STAC: variants seen among roughly 807,000 people sequenced by gnomAD.
STAC encodes the protein SH3 and cysteine-rich domain-containing protein.
A neutral mutation model predicts 48.8 loss-of-function variants in STAC; 43 were observed. The ratio of observed to expected loss-of-function variants is 0.88; its 90% CI spans 0.69 to 1.14. STAC has a LOEUF of 1.14. STAC is among the 50% of genes most tolerant of loss of function. The pLI is 0.00. For synonymous variants in STAC, 193 were observed against 179.5 expected (o/e 1.07, Z -0.60); for missense variants, 497 against 504.0 (o/e 0.99, Z 0.13).
At chr3:36,486,397 G>C (rs1221625293) in intron 5 of STAC, 148 bp downstream of exon 5, 2 of 602,662 alleles carry the variant, frequency 3.3e-6, no homozygotes, top group Non-Finnish European at 5.7e-6. Flanking sequence ...AACCCAAAGT[G>C]CTTTGAGCCA....
chr3:36,417,028 C>A (rs576393477), intron 1 of STAC, among the ~76,000 whole-genome samples: 2 of 152,218 alleles, frequency 1.3e-5, no homozygotes, highest in Admixed American at 1.3e-4. Flanking sequence ...AACTTTGGGG[C>A]AGGTCTTTGG....
intron 1 of STAC, among the ~76,000 whole-genome samples, chr3:36,408,981 T>C (rs1471349690): frequency 2.0e-5 from 3 of 152,212 alleles, no homozygotes; most frequent in African/African-American, 7.2e-5. Flanking sequence ...AATATTGTGG[T>C]ACCCTTACTT....
intron 2 of STAC, among the ~76,000 whole-genome samples, chr3:36,477,437 C>T (rs1347211291): frequency 6.6e-6 from 1 of 151,916 alleles, no homozygotes; most frequent in Non-Finnish European, 1.5e-5. Context: ...CAAAATGAGT[C>T]CAGCCAATTA....
Position 36,480,701 on chromosome 3 carries a change from A to G in STAC, c.389-2291A>G, listed in dbSNP as rs148342872. Among the ~76,000 whole-genome samples, 758 of 152,374 alleles carry G rather than the reference A, an allele frequency of 5.0e-3. 2 individuals carry two copies. Among genetic ancestry groups the G allele is most frequent in the Middle Eastern group, 0.01 (3 of 294 alleles). On this transcript the variant is annotated intron_variant, in intron 2 of 10. Coordinates refer to ENST00000273183, the MANE Select transcript of STAC (RefSeq NM_003149.3). ...AGGTATCTCATCTTTGAAATGAAAT[A>G]ATACAAATAGATCTTCAAGTTCCCC...
chr3:36,511,821 A>C (rs919445212), intron 8 of STAC, among the ~76,000 whole-genome samples: 2 of 152,160 alleles, frequency 1.3e-5, no homozygotes, highest in African/African-American at 4.8e-5. Flanking sequence ...TCACCTACCC[A>C]AACTCTTATA....
At chr3:36,391,167 C>T (rs1029512013) in intron 1 of STAC, among the ~76,000 whole-genome samples, 16 of 152,306 alleles carry the variant, frequency 1.1e-4, no homozygotes, top group African/African-American at 3.6e-4. Context: ...CAAGTGCTCA[C>T]ATCTCCACCT....
chr3:36,425,590 A>G (rs1046926170), intron 1 of STAC, among the ~76,000 whole-genome samples: 1 of 152,268 alleles, frequency 6.6e-6, no homozygotes, highest in African/African-American at 2.4e-5. Flanking sequence ...GTTTTATATC[A>G]GTGTTAATTT....
intron 5 of STAC, 79 bp downstream of exon 5, chr3:36,486,328 T>C: frequency 8.0e-7 from 1 of 1,249,534 alleles, no homozygotes; most frequent in Middle Eastern, 2.0e-4. Context: ...GTATGGGGTA[T>C]TCCACCTGAC....
At position 36,492,031 on chromosome 3, in the gene STAC, AATATATATATATATATATAT is replaced by A. The variant is rs11267408; in HGVS notation, c.688-1103_688-1084del. ...AAAAAAAAAAAAAAAAAAAAAAAAA[AATATATATATATATATATAT>A]ATATATATATATATATGTGACTGTC... On this transcript the variant is annotated intron_variant, in intron 5 of 10. Transcript: ENST00000273183. Among the ~76,000 whole-genome samples the A allele has an allele frequency of 3.8e-3, 63 of 16,438 alleles. 3 individuals are homozygous for A. The highest frequency in any genetic ancestry group is 0.011 in the South Asian group (2 of 180). The allele number at this position is 16,438 out of a possible 152,430, so 10.8% of individuals were successfully genotyped here. A position where few individuals can be genotyped will look rare whatever the true frequency, so the allele number is the denominator to read the frequency against.
At chr3:36,517,929 A>G (rs1698714585) in intron 8 of STAC, among the ~76,000 whole-genome samples, 1 of 152,112 alleles carries the variant, frequency 6.6e-6, no homozygotes, top group Non-Finnish European at 1.5e-5. Context: ...TCATTCACAC[A>G]CACACAAGCA....
intron 10 of STAC, among the ~76,000 whole-genome samples, chr3:36,533,328 G>C (rs1699116584): frequency 6.6e-6 from 1 of 152,094 alleles, no homozygotes; most frequent in East Asian, 1.9e-4. Flanking sequence ...TTCCCAGCTT[G>C]ATTCCATGCC....
chr3:36,416,867 G>T (rs1350681485), intron 1 of STAC, among the ~76,000 whole-genome samples: 1 of 152,170 alleles, frequency 6.6e-6, no homozygotes, highest in African/African-American at 2.4e-5. Context: ...TTTGAGGAGT[G>T]AGTAATGCAC....
intron 6 of STAC, among the ~76,000 whole-genome samples, chr3:36,500,335 C>T (rs1698253165): frequency 6.6e-6 from 1 of 152,158 alleles, no homozygotes; most frequent in Non-Finnish European, 1.5e-5. Flanking sequence ...CTAAACAAAC[C>T]AATGCAGAAA....
intron 2 of STAC, among the ~76,000 whole-genome samples, chr3:36,449,835 G>T (rs1026235582): frequency 2.6e-5 from 4 of 152,182 alleles, no homozygotes; most frequent in African/African-American, 9.7e-5. Flanking sequence ...TCCTTGAGCT[G>T]CCATCAAAAG....
At chr3:36,401,717 C>G (rs947088191) in intron 1 of STAC, among the ~76,000 whole-genome samples, 2 of 152,150 alleles carry the variant, frequency 1.3e-5, no homozygotes, top group Non-Finnish European at 2.9e-5. Flanking sequence ...AAAGGGAAAT[C>G]GGAGCTCCTT....
At chr3:36,513,929 T>C (rs1027244557) in intron 8 of STAC, among the ~76,000 whole-genome samples, 1 of 152,136 alleles carries the variant, frequency 6.6e-6, no homozygotes, top group African/African-American at 2.4e-5. Context: ...TGGGCATCAG[T>C]TGACCTGGGT....
chr3:36,542,144 GT>G (rs1699343743), intron 10 of STAC, among the ~76,000 whole-genome samples: 1 of 152,068 alleles, frequency 6.6e-6, no homozygotes, highest in South Asian at 2.1e-4. Context: ...AGAAAGAATT[GT>G]TTTAAATAAA....
At chr3:36,393,278 C>T (rs1699789871) in intron 1 of STAC, among the ~76,000 whole-genome samples, 1 of 152,020 alleles carries the variant, frequency 6.6e-6, no homozygotes. Context: ...TTGCAAACAC[C>T]CTCAACTCCC....
rs915991488 is a variant in STAC, at chr3:36,546,528, A to T, written c.*239A>T. 9.0e-6 allele frequency: 5 copies of T among 557,242 alleles called. No homozygotes were observed. In the African/African-American group the frequency reaches 9.4e-5, roughly 10 times the overall value. 34.5% of individuals were successfully genotyped at this position (557,242 alleles called of 1,614,324 possible). On this transcript the variant is annotated 3_prime_UTR_variant, in exon 11 of 11. Transcript: ENST00000273183. ...TGAGAGAGTCAGCAGGCAGAGCCAGATGCCATGCTTGGCAGCAGCAGTAGG... is the reference window on the plus strand; with the variant it reads ...TGAGAGAGTCAGCAGGCAGAGCCAGTTGCCATGCTTGGCAGCAGCAGTAGG...
Sources: allele counts gnomAD v4.1 joint callset (sites outside exome capture counted in the v4.1 genomes callset), GRCh38; gene constraint gnomAD v4.1.1; transcripts MANE v1.5; gene names NCBI Gene and HGNC (gene_info 2026-07-23, HGNC 2026-07-21).